Variants in C12orf42 observed in about 807,000 individuals in gnomAD.
C12orf42 encodes the protein uncharacterized protein C12orf42.
C12orf42 carries 25 observed loss-of-function variants against 21.6 expected under a neutral mutation model. The ratio of observed to expected loss-of-function variants is 1.16; its 90% CI spans 0.84 to 1.62. C12orf42 has a LOEUF of 1.62. Ranked by LOEUF, C12orf42 falls within the 40% of genes most tolerant of loss-of-function variation. C12orf42 has a pLI of 0.00. For missense variants in C12orf42, 483 were observed against 459.3 expected (o/e 1.05, Z -0.47); for synonymous variants, 174 against 175.0 (o/e 0.99, Z 0.05).
At chr12:103,106,356 CA>C in the C12orf42 span, among the ~76,000 whole-genome samples, 1 of 150,814 alleles carries the variant, frequency 6.6e-6, no homozygotes, top group Non-Finnish European at 1.5e-5. Context: ...GAGTAGGCTG[CA>C]AGAAGCAATG....
intron 4 of C12orf42, among the ~76,000 whole-genome samples, chr12:103,362,758 G>A (rs960143289): frequency 1.2e-4 from 18 of 151,942 alleles, no homozygotes; most frequent in East Asian, 3.9e-4. Flanking sequence ...TTCAGAGTTC[G>A]AAGACAAGGT....
At chr12:103,084,364 G>A in the C12orf42 span, among the ~76,000 whole-genome samples, 1 of 152,058 alleles carries the variant, frequency 6.6e-6, no homozygotes, top group Non-Finnish European at 1.5e-5. Context: ...GGGACTGCTG[G>A]CAAAATTTAT....
At chr12:103,290,446 G>A (rs1281905862) in intron 4 of C12orf42, among the ~76,000 whole-genome samples, 1 of 152,188 alleles carries the variant, frequency 6.6e-6, no homozygotes, top group Non-Finnish European at 1.5e-5. Flanking sequence ...AGGTTAAAAT[G>A]GGTCAACAGG....
At chr12:103,381,058 C>T (rs1213555379) in intron 3 of C12orf42, among the ~76,000 whole-genome samples, 2 of 152,182 alleles carry the variant, frequency 1.3e-5, no homozygotes, top group Non-Finnish European at 2.9e-5. Context: ...TGTGATATGT[C>T]TCGAGCTGCT....
the C12orf42 span, among the ~76,000 whole-genome samples, chr12:103,150,224 G>A: frequency 1.3e-5 from 2 of 152,130 alleles, no homozygotes; most frequent in South Asian, 4.1e-4. Context: ...AGAGTATTGA[G>A]TACCTGGTTT....
the C12orf42 span, among the ~76,000 whole-genome samples, chr12:103,137,042 A>T: frequency 3.3e-4 from 51 of 152,336 alleles, no homozygotes; most frequent in Non-Finnish European, 5.7e-4. Context: ...TATTAAACTA[A>T]AAAGCTGCTG....
chr12:103,425,914 C>G (rs919510654), intron 2 of C12orf42, among the ~76,000 whole-genome samples: 4 of 150,294 alleles, frequency 2.7e-5, no homozygotes, highest in African/African-American at 9.9e-5. Flanking sequence ...AGGGGAAATC[C>G]ACCAACTCAA....
chr12:103,271,158 G>A (rs182810394), intron 5 of C12orf42, among the ~76,000 whole-genome samples: 1 of 152,178 alleles, frequency 6.6e-6, no homozygotes, highest in Non-Finnish European at 1.5e-5. Context: ...GTGGGGCATG[G>A]GAGGCCTCCT....
chr12:103,227,250 T>A, the C12orf42 span, among the ~76,000 whole-genome samples: 2 of 151,572 alleles, frequency 1.3e-5, no homozygotes, highest in African/African-American at 2.4e-5. Flanking sequence ...GGAACAGGGG[T>A]TGGGGCTCAG....
At chr12:103,386,484 G>A in intron 3 of C12orf42, among the ~76,000 whole-genome samples, 1 of 152,052 alleles carries the variant, frequency 6.6e-6, no homozygotes, top group East Asian at 1.9e-4. Flanking sequence ...AAACTCAACT[G>A]ATCAATGTCA....
At chr12:103,544,276 T>C in the C12orf42 span, among the ~76,000 whole-genome samples, 4 of 152,208 alleles carry the variant, frequency 2.6e-5, no homozygotes, top group Admixed American at 2.6e-4. Flanking sequence ...TATTAAAAGA[T>C]TTTCTGCTGG....
chr12:103,051,340 G>A, the C12orf42 span, among the ~76,000 whole-genome samples: 1 of 152,252 alleles, frequency 6.6e-6, no homozygotes, highest in East Asian at 1.9e-4. Flanking sequence ...GACTTAGAAG[G>A]AGAGTATATA....
chr12:103,181,816 C>T, the C12orf42 span, among the ~76,000 whole-genome samples: 1 of 152,200 alleles, frequency 6.6e-6, no homozygotes, highest in Non-Finnish European at 1.5e-5. Flanking sequence ...ATCTACACCT[C>T]TACCCCTACC....
chr12:103,338,711 C>T (rs2041930116), intron 4 of C12orf42, among the ~76,000 whole-genome samples: 1 of 152,098 alleles, frequency 6.6e-6, no homozygotes, highest in Admixed American at 6.5e-5. Context: ...GTCCCTGGCA[C>T]TTGTTAAATA....
At chr12:103,264,055 C>T (rs557169828), downstream of C12orf42, among the ~76,000 whole-genome samples, 1 of 152,248 alleles carries the variant, frequency 6.6e-6, no homozygotes, top group South Asian at 2.1e-4. Context: ...TCCTCCTCTT[C>T]TTTTCTTTTC....
intron 4 of C12orf42, among the ~76,000 whole-genome samples, chr12:103,363,435 A>T (rs1358768319): frequency 2.6e-5 from 4 of 152,098 alleles, no homozygotes; most frequent in Admixed American, 1.3e-4. Context: ...AAATACAATT[A>T]AAAAAGACCA....
At chr12:103,100,865 G>A in the C12orf42 span, among the ~76,000 whole-genome samples, 2 of 152,142 alleles carry the variant, frequency 1.3e-5, no homozygotes, top group African/African-American at 4.8e-5. Context: ...ACAAAAAAAA[G>A]ATATATAAGG....
chr12:103,142,553 A>G, the C12orf42 span, among the ~76,000 whole-genome samples: 34 of 152,210 alleles, frequency 2.2e-4, no homozygotes, highest in African/African-American at 7.0e-4. Flanking sequence ...GACTGACCCC[A>G]AAGTTAAGTG....
chr12:103,330,750 C>G (rs2041176947), intron 4 of C12orf42, among the ~76,000 whole-genome samples: 1 of 152,160 alleles, frequency 6.6e-6, no homozygotes, highest in African/African-American at 2.4e-5. Flanking sequence ...TCTCTATGTT[C>G]TTACCTGGAT....
Sources: allele counts gnomAD v4.1 joint callset (sites outside exome capture counted in the v4.1 genomes callset), GRCh38; gene constraint gnomAD v4.1.1; transcripts MANE v1.5; gene names NCBI Gene and HGNC (gene_info 2026-07-23, HGNC 2026-07-21).